UBE2G1: variants seen among roughly 807,000 people sequenced by gnomAD.
UBE2G1 encodes the protein ubiquitin-conjugating enzyme E2 G1.
UBE2G1 carries 5 observed loss-of-function variants against 22.7 expected under a neutral mutation model. The ratio of observed to expected loss-of-function variants is 0.22; its 90% CI spans 0.12 to 0.46. UBE2G1 has a LOEUF of 0.46. Among genes scored for constraint, UBE2G1 ranks in the 20% least tolerant of loss-of-function variants. The probability of loss-of-function intolerance (pLI) is 0.99; values close to 1 mark genes in which losing one functional copy is unlikely to be tolerated. For missense variants in UBE2G1, 88 were observed against 203.9 expected (o/e 0.43, Z 3.46); for synonymous variants, 74 against 67.5 (o/e 1.10, Z -0.47).
chr17:4,363,022 C>CGAGGCAGGAGAATCACTTGAACCCA (rs1969987054), intron 1 of UBE2G1, among the ~76,000 whole-genome samples: 1 of 151,976 alleles, frequency 6.6e-6, no homozygotes, highest in Non-Finnish European at 1.5e-5. Flanking sequence ...ACTCTGAGGC[C>CGAGGCAGGAGAATCACTTGAACCCA]GAGGCAGGAG....
intron 1 of UBE2G1, among the ~76,000 whole-genome samples, chr17:4,340,914 A>AAAT (rs1969704997): frequency 7.6e-6 from 1 of 131,512 alleles, no homozygotes; most frequent in African/African-American, 3.7e-5. Flanking sequence ...AAAAAAAAAC[A>AAAT]AAACCTTCAA....
At chr17:4,354,549 G>A (rs148473441) in intron 1 of UBE2G1, among the ~76,000 whole-genome samples, 2 of 152,296 alleles carry the variant, frequency 1.3e-5, no homozygotes, top group East Asian at 3.9e-4. Context: ...AGAAGGCTGA[G>A]AAGGAAAGGG....
chr17:4,319,601 G>T (rs1043211897), intron 1 of UBE2G1, among the ~76,000 whole-genome samples: 1 of 152,074 alleles, frequency 6.6e-6, no homozygotes, highest in African/African-American at 2.4e-5. Context: ...TGGACATGGC[G>T]GCAAGCGCCT....
At chr17:4,281,051 C>T (rs1160711961) in intron 5 of UBE2G1, among the ~76,000 whole-genome samples, 1 of 152,154 alleles carries the variant, frequency 6.6e-6, no homozygotes, top group Non-Finnish European at 1.5e-5. Context: ...GAATTCCACC[C>T]CAAGTATATA....
Position 4,366,254 on chromosome 17 carries a change from G to GCCGC in UBE2G1, c.46+13_46+16dup. 1 of 1,534,838 alleles carries GCCGC rather than the reference G, an allele frequency of 6.5e-7. No homozygotes were observed. The highest frequency in any genetic ancestry group is 8.7e-7 in the Non-Finnish European group (1 of 1,151,114). On this transcript the variant is annotated intron_variant, in intron 1 of 5. Transcript: ENST00000396981. ...CGATCGCGGCCGGGCCCGGCGCCCC[G>GCCGC]CCGCCCGCCTGCTCACCTGCCAGCT...
At chr17:4,353,111 A>G (rs1224269928) in intron 1 of UBE2G1, among the ~76,000 whole-genome samples, 3 of 152,046 alleles carry the variant, frequency 2.0e-5, no homozygotes, top group African/African-American at 7.2e-5. Context: ...CCACGTACCC[A>G]GGAGGTTGAG....
intron 1 of UBE2G1, among the ~76,000 whole-genome samples, chr17:4,356,542 CCA>C (rs892002989): frequency 3.3e-5 from 5 of 152,212 alleles, no homozygotes; most frequent in South Asian, 4.1e-4. Context: ...TTCCAAGCAA[CCA>C]CACAAGTTTA....
At chr17:4,279,753 C>A (rs747026233) in intron 5 of UBE2G1, among the ~76,000 whole-genome samples, 1 of 116,254 alleles carries the variant, frequency 8.6e-6, no homozygotes, top group Non-Finnish European at 1.9e-5. Context: ...CCAGCCCGAG[C>A]GACACAGCGA....
intron 1 of UBE2G1, among the ~76,000 whole-genome samples, chr17:4,347,457 A>T (rs1242565352): frequency 1.5e-5 from 2 of 135,446 alleles, no homozygotes; most frequent in Non-Finnish European, 3.1e-5. Context: ...GGTAATTCTC[A>T]CAGTATTTCT....
At chr17:4,283,667 T>C (rs898993869) in intron 4 of UBE2G1, among the ~76,000 whole-genome samples, 1 of 152,084 alleles carries the variant, frequency 6.6e-6, no homozygotes, top group Non-Finnish European at 1.5e-5. Flanking sequence ...ATATGACAAT[T>C]ATCACTGTCA....
chr17:4,285,396 T>G (rs1391058489), intron 4 of UBE2G1, among the ~76,000 whole-genome samples: 1 of 152,146 alleles, frequency 6.6e-6, no homozygotes, highest in Non-Finnish European at 1.5e-5. Context: ...AAATTCTATA[T>G]AAATTTGATT....
At chr17:4,307,799 T>C (rs1969264550) in intron 1 of UBE2G1, among the ~76,000 whole-genome samples, 1 of 152,034 alleles carries the variant, frequency 6.6e-6, no homozygotes, top group Admixed American at 6.5e-5. Flanking sequence ...GAGGTTCTCC[T>C]CCTCTAAAGA....
At chr17:4,328,072 G>C (rs902225854) in intron 1 of UBE2G1, among the ~76,000 whole-genome samples, 1 of 152,166 alleles carries the variant, frequency 6.6e-6, no homozygotes, top group Admixed American at 6.5e-5. Flanking sequence ...TAAAGAAAGA[G>C]AGCAGAAATA....
At chr17:4,324,876 G>A (rs1969484684) in intron 1 of UBE2G1, among the ~76,000 whole-genome samples, 1 of 152,006 alleles carries the variant, frequency 6.6e-6, no homozygotes, top group East Asian at 1.9e-4. Context: ...AGGAGATCGA[G>A]ACCATCCTGG....
At chr17:4,299,718 C>T (rs142766127) in intron 2 of UBE2G1, among the ~76,000 whole-genome samples, 11 of 152,278 alleles carry the variant, frequency 7.2e-5, no homozygotes, top group African/African-American at 2.6e-4. Context: ...GCCTTGCCCA[C>T]TCTGAAGCAA....
chr17:4,280,834 C>G (rs1968879782), intron 5 of UBE2G1, among the ~76,000 whole-genome samples: 1 of 151,986 alleles, frequency 6.6e-6, no homozygotes, highest in African/African-American at 2.4e-5. Context: ...GGGGTTTCAC[C>G]ATATTGGCCA....
intron 2 of UBE2G1, chr17:4,301,832 A>G: frequency 1.9e-6 from 1 of 524,752 alleles, no homozygotes; most frequent in Admixed American, 2.3e-5. Context: ...TAGCATGGCT[A>G]GAATTGGAAG....
In UBE2G1 at chr17:4,351,791, G is replaced by A. The variant is rs140618961; in HGVS notation, c.46+14480C>T. ...GTGAAAGAGTATCAAGGAAGACCTCGGAATAACACTCCTCTCTCTATATAA... is the reference window on the plus strand; with the variant it reads ...GTGAAAGAGTATCAAGGAAGACCTCAGAATAACACTCCTCTCTCTATATAA... On this transcript the variant is annotated intron_variant, in intron 1 of 5. Coordinates refer to ENST00000396981, the MANE Select transcript of UBE2G1 (RefSeq NM_003342.5). 1.3e-4 allele frequency among the ~76,000 whole-genome samples: 20 copies of A among 152,188 alleles called. No homozygotes were observed. The East Asian group carries it at 3.3e-3, about 25-fold the overall frequency.
chr17:4,312,360 A>G (rs2143742521), intron 1 of UBE2G1, among the ~76,000 whole-genome samples: 1 of 152,280 alleles, frequency 6.6e-6, no homozygotes, highest in Non-Finnish European at 1.5e-5. Context: ...ACTGCAGGGG[A>G]TGTAACCGAA....
Sources: gnomAD v4.1 joint callset for allele counts (sites outside exome capture counted in the v4.1 genomes callset) on GRCh38, gnomAD v4.1.1 for gene constraint, MANE v1.5 for transcripts, NCBI Gene and HGNC (gene_info 2026-07-23, HGNC 2026-07-21) for gene names.